The following HS3ST4 variants were observed in gnomAD, a reference collection of about 807,000 sequenced individuals.
HS3ST4 encodes the protein heparan sulfate glucosamine 3-O-sulfotransferase 4.
HS3ST4 carries 17 observed loss-of-function variants against 29.2 expected under a neutral mutation model. That is an observed-to-expected ratio of 0.58 (90% CI 0.40 to 0.87). HS3ST4 has a LOEUF of 0.87. Among genes scored for constraint, HS3ST4 ranks in the 40% least tolerant of loss-of-function variants. The pLI is 0.00. For missense variants in HS3ST4, 627 were observed against 634.5 expected, an observed-to-expected ratio of 0.99 and a Z score of 0.13; for synonymous variants, 314 against 285.7, an observed-to-expected ratio of 1.10 and a Z score of -1.00.
At chr16:26,046,632 T>G (rs1898270218) in intron 1 of HS3ST4, among the ~76,000 whole-genome samples, 1 of 152,168 alleles carries the variant, frequency 6.6e-6, no homozygotes, top group African/African-American at 2.4e-5. Context: ...TGGAAGATGT[T>G]TAGCCAGTGT....
At chr16:26,009,687 T>G (rs573897234) in intron 1 of HS3ST4, among the ~76,000 whole-genome samples, 2 of 152,342 alleles carry the variant, frequency 1.3e-5, no homozygotes, top group South Asian at 4.1e-4. Context: ...CACAAGCTCT[T>G]ATAGTCTTAC....
At chr16:25,853,421 G>A (rs4523930) in intron 1 of HS3ST4, among the ~76,000 whole-genome samples, 45,249 of 151,706 alleles carry the variant, frequency 0.3, 7,237 homozygotes, top group Admixed American at 0.36. Context: ...TTCTCTTGCT[G>A]GGATTTCTAG....
intron 1 of HS3ST4, among the ~76,000 whole-genome samples, chr16:26,089,667 AC>A (rs551194057): frequency 1.3e-5 from 2 of 152,122 alleles, no homozygotes; most frequent in Non-Finnish European, 2.9e-5. Flanking sequence ...TTTTGTTTAG[AC>A]CCTGGACCTA....
At chr16:25,901,738 T>C (rs1968121554) in intron 1 of HS3ST4, among the ~76,000 whole-genome samples, 1 of 152,214 alleles carries the variant, frequency 6.6e-6, no homozygotes, top group Non-Finnish European at 1.5e-5. Context: ...GAAGAGCTGT[T>C]TCAGCCCCTC....
chr16:25,773,897 C>A (rs926575379), intron 1 of HS3ST4, among the ~76,000 whole-genome samples: 1 of 152,052 alleles, frequency 6.6e-6, no homozygotes, highest in Non-Finnish European at 1.5e-5. Flanking sequence ...AGTGACCTGT[C>A]CCTTTAAACC....
intron 1 of HS3ST4, among the ~76,000 whole-genome samples, chr16:25,713,041 G>GTT (rs201221149): frequency 6.6e-6 from 1 of 151,390 alleles, no homozygotes; most frequent in Non-Finnish European, 1.5e-5. Flanking sequence ...TCATTTAAAT[G>GTT]TTTTTTTTAA....
intron 1 of HS3ST4, among the ~76,000 whole-genome samples, chr16:25,982,209 C>T (rs9302439): frequency 0.93 from 142,005 of 152,224 alleles, 66,372 homozygotes; most frequent in African/African-American, 0.97. Flanking sequence ...GAGAGACGAA[C>T]TGCTGGTTCC....
intron 1 of HS3ST4, among the ~76,000 whole-genome samples, chr16:25,779,865 C>T (rs200435873): frequency 2.6e-5 from 4 of 152,314 alleles, no homozygotes; most frequent in East Asian, 1.9e-4. Flanking sequence ...GGAAGATGTA[C>T]GGCGCCTCTG....
intron 1 of HS3ST4, among the ~76,000 whole-genome samples, chr16:26,133,918 A>C (rs1460168296): frequency 1.3e-5 from 2 of 152,216 alleles, no homozygotes; most frequent in African/African-American, 4.8e-5. Context: ...AATGGAGCAC[A>C]TGGTGGCAGA....
chr16:26,097,114 C>A (rs1264188268), intron 1 of HS3ST4, among the ~76,000 whole-genome samples: 2 of 152,204 alleles, frequency 1.3e-5, no homozygotes, highest in Non-Finnish European at 2.9e-5. Context: ...ACATTCCATG[C>A]TCATGGATAG....
chr16:26,110,453 A>G (rs1331335374), intron 1 of HS3ST4, among the ~76,000 whole-genome samples: 2 of 152,030 alleles, frequency 1.3e-5, no homozygotes, highest in African/African-American at 4.8e-5. Context: ...TCTCCTCCCA[A>G]TGTCTTCCTT....
chr16:25,739,983 C>G (rs1293343879), intron 1 of HS3ST4, among the ~76,000 whole-genome samples: 1 of 152,168 alleles, frequency 6.6e-6, no homozygotes, highest in Admixed American at 6.5e-5. Flanking sequence ...AGACAAGGAC[C>G]TATTTCTGCC....
chr16:26,084,625 G>T (rs1178823591), intron 1 of HS3ST4, among the ~76,000 whole-genome samples: 3 of 149,432 alleles, frequency 2.0e-5, no homozygotes, highest in Non-Finnish European at 4.4e-5. Context: ...TTTTTTTTTT[G>T]AAACAGAGAC....
At chr16:25,828,301 C>CTTTCTCTCTCTCTCTCT (rs1555467593) in intron 1 of HS3ST4, among the ~76,000 whole-genome samples, 2 of 32,882 alleles carry the variant, frequency 6.1e-5, no homozygotes, top group Non-Finnish European at 1.1e-4. Context: ...TCTTTCTTTC[C>CTTTCTCTCTCTCTCTCT]CTCTCTCTCT....
At chr16:25,827,981 C>CT (rs991550744) in intron 1 of HS3ST4, among the ~76,000 whole-genome samples, 79 of 150,820 alleles carry the variant, frequency 5.2e-4, no homozygotes, top group African/African-American at 1.6e-3. Context: ...GAGGAGGTTT[C>CT]TTTTTTTTTA....
chr16:26,018,337 G>A (rs1030301049), intron 1 of HS3ST4, among the ~76,000 whole-genome samples: 1 of 152,174 alleles, frequency 6.6e-6, no homozygotes, highest in Non-Finnish European at 1.5e-5. Flanking sequence ...TTGTTGGGGG[G>A]CACAGGATTG....
chr16:26,103,264 A>G (rs971334391), intron 1 of HS3ST4, among the ~76,000 whole-genome samples: 6 of 152,150 alleles, frequency 3.9e-5, no homozygotes, highest in Admixed American at 2.6e-4. Flanking sequence ...TTAATGAGGA[A>G]ATTGAGGCCC....
At chr16:25,795,530 AGT>A (rs1966882035) in intron 1 of HS3ST4, among the ~76,000 whole-genome samples, 1 of 152,246 alleles carries the variant, frequency 6.6e-6, no homozygotes, top group African/African-American at 2.4e-5. Context: ...CAAAGTTCAA[AGT>A]GAGTCTCATA....
intron 1 of HS3ST4, among the ~76,000 whole-genome samples, chr16:26,009,666 G>A (rs1269403009): frequency 6.6e-6 from 1 of 152,178 alleles, no homozygotes; most frequent in Admixed American, 6.5e-5. Context: ...GAAGGAAAAC[G>A]GCCAGTTGTA....
Sources: allele counts gnomAD v4.1 joint callset (sites outside exome capture counted in the v4.1 genomes callset), GRCh38; gene constraint gnomAD v4.1.1; transcripts MANE v1.5; gene names NCBI Gene and HGNC (gene_info 2026-07-23, HGNC 2026-07-21).